PRDM16: variants seen among roughly 807,000 people sequenced by gnomAD.
PRDM16 encodes PR/SET domain 16.
A neutral mutation model predicts 110.6 loss-of-function variants in PRDM16; 23 were observed. The observed-to-expected ratio is 0.21, with a 90% CI of 0.15 to 0.29. PRDM16 has a LOEUF of 0.29. Ranked by LOEUF, PRDM16 falls within the 10% of genes least tolerant of loss-of-function variation. The pLI, the probability that PRDM16 is intolerant of heterozygous loss-of-function variation, is 1.00. For synonymous variants in PRDM16, 799 were observed against 781.8 expected (o/e 1.02, Z -0.37); for missense variants, 1,615 against 1,794.3 (o/e 0.90, Z 1.81).
At chr1:3,167,534 G>A (rs1643973275) in intron 1 of PRDM16, among the ~76,000 whole-genome samples, 1 of 151,748 alleles carries the variant, frequency 6.6e-6, no homozygotes, top group Non-Finnish European at 1.5e-5. Context: ...CCAACCCGGA[G>A]CCTCCTCCCA....
chr1:3,164,782 G>A (rs184627414), intron 1 of PRDM16, among the ~76,000 whole-genome samples: 6 of 152,226 alleles, frequency 3.9e-5, no homozygotes, highest in Admixed American at 6.5e-5. Context: ...CTGTGTTTGC[G>A]GGGGGAGGCT....
rs779169196 is a variant in PRDM16, at chr1:3,412,731, C to T, written c.2534C>T (p.Ala845Val). 3.7e-5 allele frequency: 55 copies of T among 1,506,528 alleles called. No homozygotes were observed. In the East Asian group the frequency reaches 1.0e-3, roughly 29 times the overall value. 93.3% of individuals were successfully genotyped at this position (1,506,528 alleles called of 1,614,324 possible). A position where few individuals can be genotyped will look rare whatever the true frequency, so the allele number is the denominator to read the frequency against. Residue 845 changes from alanine (A) to valine (V), a missense_variant, in exon 9 of 17, where the codon GCG becomes GTG. Coordinates refer to ENST00000270722, the MANE Select transcript of PRDM16 (RefSeq NM_022114.4). Reference sequence around the variant, plus strand: ...GAGGGGCTGCCCCAGGTGTGCCCGGCGCGGATGCCCCAGCAGCCCCCGCTC... The same window carrying T: ...GAGGGGCTGCCCCAGGTGTGCCCGGTGCGGATGCCCCAGCAGCCCCCGCTC... ...AGEGLPQVCP[A>V]RMPQQPPLHY...
chr1:3,385,977 C>A (rs1018093002), intron 4 of PRDM16, among the ~76,000 whole-genome samples: 3 of 152,212 alleles, frequency 2.0e-5, no homozygotes, highest in Non-Finnish European at 4.4e-5. Flanking sequence ...GGAGAAGACG[C>A]GGAGTCTCCT....
rs572031556 is a variant in PRDM16 at position 3,356,019 on chromosome 1, G to A, written c.439-29133G>A. ...GCCCGTTGGTGACAAGTTGACAGAG[G>A]GGCCCCTCCGTGACAGGTGATGGAC... On this transcript the variant is annotated intron_variant, in intron 3 of 16. Transcript: ENST00000270722. Among the ~76,000 whole-genome samples, 8 of 152,230 alleles carry A rather than the reference G, an allele frequency of 5.3e-5. No homozygotes were observed. In the East Asian group the frequency reaches 1.5e-3, roughly 29 times the overall value.
chr1:3,399,196 A>G (rs545712274), intron 5 of PRDM16, among the ~76,000 whole-genome samples: 19 of 152,240 alleles, frequency 1.2e-4, no homozygotes, highest in Non-Finnish European at 2.1e-4. Context: ...TTCTTTTGAG[A>G]AAGCCTCACG....
intron 1 of PRDM16, among the ~76,000 whole-genome samples, chr1:3,098,794 G>A (rs10909874): frequency 1.3e-5 from 2 of 152,038 alleles, no homozygotes; most frequent in Non-Finnish European, 2.9e-5. Context: ...CAGCCCTGCA[G>A]AGCTGGCTGC....
intron 3 of PRDM16, among the ~76,000 whole-genome samples, chr1:3,268,861 G>A (rs1174392239): frequency 6.6e-6 from 1 of 152,208 alleles, no homozygotes; most frequent in African/African-American, 2.4e-5. Context: ...CAGGGTGAGG[G>A]GCAGCGTGGG....
At chr1:3,327,417 C>T (rs1053336248) in intron 3 of PRDM16, among the ~76,000 whole-genome samples, 1 of 152,212 alleles carries the variant, frequency 6.6e-6, no homozygotes, top group Non-Finnish European at 1.5e-5. Context: ...AACAGCCCCT[C>T]AGCCCCCGCC....
chr1:3,250,080 G>T (rs1011992450), intron 3 of PRDM16, among the ~76,000 whole-genome samples: 2 of 152,136 alleles, frequency 1.3e-5, no homozygotes, highest in African/African-American at 4.8e-5. Context: ...CTGGGGACCA[G>T]CCCAGGTGCC....
chr1:3,374,532 G>A (rs1302650462), intron 3 of PRDM16, among the ~76,000 whole-genome samples: 1 of 152,206 alleles, frequency 6.6e-6, no homozygotes, highest in Non-Finnish European at 1.5e-5. Context: ...CAGCCACCTA[G>A]CAGCTGGCCT....
intron 14 of PRDM16, among the ~76,000 whole-genome samples, chr1:3,426,607 T>C (rs1392053834): frequency 1.3e-5 from 2 of 152,196 alleles, no homozygotes; most frequent in Non-Finnish European, 2.9e-5. Context: ...TGCACCTTTA[T>C]ACACACATGT....
At chr1:3,090,017 C>G (rs1216606115) in intron 1 of PRDM16, among the ~76,000 whole-genome samples, 2 of 152,222 alleles carry the variant, frequency 1.3e-5, no homozygotes, top group Non-Finnish European at 2.9e-5. Flanking sequence ...TCTGTTCCAG[C>G]CTCGTACTTG....
At chr1:3,286,341 C>A (rs182316716) in intron 3 of PRDM16, among the ~76,000 whole-genome samples, 122 of 152,354 alleles carry the variant, frequency 8.0e-4, no homozygotes, top group African/African-American at 2.7e-3. Flanking sequence ...GAGAGCACAG[C>A]GTCCCCACAG....
chr1:3,155,702 G>A (rs1477899153), intron 1 of PRDM16, among the ~76,000 whole-genome samples: 2 of 152,206 alleles, frequency 1.3e-5, no homozygotes, highest in South Asian at 2.1e-4. Context: ...ATGTGCTTGC[G>A]TTTGGGGGAG....
chr1:3,238,466 T>TA (rs1380704555), intron 2 of PRDM16, among the ~76,000 whole-genome samples: 6 of 152,188 alleles, frequency 3.9e-5, no homozygotes, highest in South Asian at 4.1e-4. Context: ...CAAGGAGCTT[T>TA]AAAAAAAATC....
chr1:3,405,411 C>G, intron 7 of PRDM16, 84 bp from the exon 8 acceptor site: 4 of 1,435,578 alleles, frequency 2.8e-6, no homozygotes, highest in Non-Finnish European at 3.7e-6. Context: ...GCCCTGCCCC[C>G]CACAGCCGGT....
intron 2 of PRDM16, among the ~76,000 whole-genome samples, chr1:3,233,142 A>G (rs1162951727): frequency 3.3e-5 from 5 of 152,240 alleles, no homozygotes; most frequent in Non-Finnish European, 7.3e-5. Context: ...TGCAGAGCCC[A>G]CCGGGCTGCC....
At position 3,412,103 on chromosome 1, in the gene PRDM16, G is replaced by A. The variant is rs1490850839; in HGVS notation, c.1906G>A (p.Asp636Asn). The A allele has an allele frequency of 1.3e-6, 2 of 1,583,138 alleles. No individual in the cohort carries two copies. Among genetic ancestry groups the A allele is most frequent in the Non-Finnish European group, 1.7e-6 (2 of 1,163,236 alleles). ...CGACGTGGACAGCGACCCTGACAAG[G>A]ACAAGGGCAAGGGCAAGTCCGCCGA... The part of the protein sequence containing the change: ...DSDVDSDPDK[D>N]KGKGKSAEGQ... The change falls in exon 9 of 17, where the codon GAC becomes AAC. Residue 636 changes from aspartate to asparagine, a missense_variant. By Grantham distance (23) the Asp-to-Asn change is conservative. Transcript: ENST00000270722.
chr1:3,088,529 G>T (rs1055413459), intron 1 of PRDM16, among the ~76,000 whole-genome samples: 2 of 149,622 alleles, frequency 1.3e-5, no homozygotes, highest in Non-Finnish European at 3.0e-5. Flanking sequence ...GCGGTGGCGC[G>T]ATCTCAGCTC....
Sources: allele counts gnomAD v4.1 joint callset (sites outside exome capture counted in the v4.1 genomes callset), GRCh38; gene constraint gnomAD v4.1.1; transcripts MANE v1.5; gene names NCBI Gene and HGNC (gene_info 2026-07-23, HGNC 2026-07-21).